The following LONP2 variants were observed in gnomAD, a reference collection of about 807,000 sequenced individuals.
LONP2 encodes lon protease homolog 2, peroxisomal.
In LONP2, 60 loss-of-function variants were observed where a neutral mutation model predicts 85.6. The ratio of observed to expected loss-of-function variants is 0.70; its 90% CI spans 0.57 to 0.87. LONP2 has a LOEUF of 0.87. Ranked by LOEUF, LONP2 falls within the 40% of genes least tolerant of loss-of-function variation. LONP2 has a pLI of 0.00. For synonymous variants in LONP2, 395 were observed against 389.7 expected, an observed-to-expected ratio of 1.01 and a Z score of -0.16; for missense variants, 860 against 1,063.5, an observed-to-expected ratio of 0.81 and a Z score of 2.66.
In LONP2 at chr16:48,334,246, A is replaced by G; in HGVS notation, c.1826A>G (p.Lys609Arg). 6.2e-7 allele frequency: 1 copy of G among 1,614,086 alleles called. No homozygotes were observed. The highest frequency in any genetic ancestry group is 1.6e-4 in the Middle Eastern group (1 of 6,062). ...GCREHILEDE[K>R]PESISDTTDL... Reference sequence around the variant, plus strand: ...AGAGAACACATCTTAGAAGATGAAAAACCTGAATCTATCAGTGACACTACT... The same window carrying G: ...AGAGAACACATCTTAGAAGATGAAAGACCTGAATCTATCAGTGACACTACT... Residue 609 changes from lysine to arginine, a missense_variant, in exon 12 of 15, where the codon AAA (lysine) becomes AGA (arginine). Around this residue, in one of 3 missense-constraint regions of LONP2, gnomAD observed 743 missense variants for 917.3 expected, o/e 0.81. Transcript: ENST00000285737.
At chr16:48,343,601 G>A (rs1030961625) in intron 12 of LONP2, among the ~76,000 whole-genome samples, 1 of 152,096 alleles carries the variant, frequency 6.6e-6, no homozygotes, top group African/African-American at 2.4e-5. Flanking sequence ...GGGAGGCTGA[G>A]GCAGGAGAAT....
intron 8 of LONP2, among the ~76,000 whole-genome samples, chr16:48,280,907 AT>A (rs1972312416): frequency 6.6e-6 from 1 of 152,200 alleles, no homozygotes; most frequent in African/African-American, 2.4e-5. Flanking sequence ...TTCTGTGTCC[AT>A]TTTGAAAGCC....
At chr16:48,281,552 C>T (rs1287535246) in intron 8 of LONP2, among the ~76,000 whole-genome samples, 3 of 151,968 alleles carry the variant, frequency 2.0e-5, no homozygotes, top group Non-Finnish European at 4.4e-5. Flanking sequence ...TATTTTCTTA[C>T]CAGATATATG....
At chr16:48,297,802 CAA>C (rs1182724221) in intron 9 of LONP2, among the ~76,000 whole-genome samples, 3 of 151,916 alleles carry the variant, frequency 2.0e-5, no homozygotes, top group Non-Finnish European at 4.4e-5. Context: ...CAGGTTCAAA[CAA>C]TTCTCTTGCC....
At chr16:48,316,546 T>G (rs1596978480) in intron 11 of LONP2, among the ~76,000 whole-genome samples, 1 of 151,450 alleles carries the variant, frequency 6.6e-6, no homozygotes, top group South Asian at 2.1e-4. Context: ...AGGCTGGTCT[T>G]GAACTCCTGA....
chr16:48,347,970 G>T, intron 13 of LONP2, 130 bp from the exon 14 acceptor site: 1 of 862,726 alleles, frequency 1.2e-6, no homozygotes, highest in Non-Finnish European at 1.8e-6. Context: ...CACCCAAATT[G>T]TACTGTCCAC....
chr16:48,292,939 A>G (rs1972585838), intron 8 of LONP2, among the ~76,000 whole-genome samples: 1 of 152,154 alleles, frequency 6.6e-6, no homozygotes, highest in African/African-American at 2.4e-5. Context: ...TCTCCTTATA[A>G]TCTAGGTATT....
intron 4 of LONP2, among the ~76,000 whole-genome samples, chr16:48,259,110 G>T (rs922112975): frequency 6.6e-6 from 1 of 152,130 alleles, no homozygotes. Context: ...TATATGTTGT[G>T]TCAAAATTTG....
At chr16:48,346,762 T>G (rs1442975668) in intron 12 of LONP2, among the ~76,000 whole-genome samples, 1 of 151,530 alleles carries the variant, frequency 6.6e-6, no homozygotes, top group Admixed American at 6.6e-5. Flanking sequence ...CCAAGCTCAC[T>G]CTTCTTAAAG....
At position 48,356,948 on chromosome 16, in the gene LONP2, A is replaced by G. The variant is rs1209008525; in HGVS notation, c.*5146A>G. On this transcript the variant is annotated 3_prime_UTR_variant, in exon 15 of 15. Transcript: ENST00000285737. Reference sequence around the variant, plus strand: ...CAGGTGTCCTTTTGCTCCATTATTTATATCTGTAAACCTGTTATTATTTTC... The same window carrying G: ...CAGGTGTCCTTTTGCTCCATTATTTGTATCTGTAAACCTGTTATTATTTTC... The G allele has an allele frequency of 3.2e-5, 5 of 154,930 alleles. No homozygotes were observed. The highest frequency in any genetic ancestry group is 9.6e-5 in the African/African-American group (4 of 41,660). The allele number at this position is 154,930 out of a possible 1,614,324, so 9.6% of individuals were successfully genotyped here.
At chr16:48,248,809 G>A (rs1375858038) in intron 1 of LONP2, among the ~76,000 whole-genome samples, 1 of 151,264 alleles carries the variant, frequency 6.6e-6, no homozygotes, top group Middle Eastern at 3.2e-3. Context: ...TTGAGCCCAG[G>A]TGATCGAAGC....
intron 7 of LONP2, among the ~76,000 whole-genome samples, chr16:48,274,689 C>T (rs1257021907): frequency 2.6e-5 from 4 of 151,956 alleles, no homozygotes; most frequent in Admixed American, 2.6e-4. Context: ...CACACATCCA[C>T]ACACCCTTGG....
intron 12 of LONP2, chr16:48,345,535 C>G (rs1959936493): frequency 1.3e-5 from 2 of 152,170 alleles, no homozygotes; most frequent in South Asian, 2.1e-4. Flanking sequence ...ATAACTGTTT[C>G]ATGATTTTCC....
chr16:48,268,766 C>T (rs1333734253), intron 6 of LONP2, among the ~76,000 whole-genome samples: 1 of 152,056 alleles, frequency 6.6e-6, no homozygotes, highest in Non-Finnish European at 1.5e-5. Context: ...AGGACTCTGA[C>T]TAAAATCAAT....
At chr16:48,349,168 T>A (rs1960063904) in intron 14 of LONP2, among the ~76,000 whole-genome samples, 1 of 152,016 alleles carries the variant, frequency 6.6e-6, no homozygotes, top group Non-Finnish European at 1.5e-5. Context: ...TTTAAAGTTG[T>A]TAGTTGAGTA....
Position 48,356,617 on chromosome 16 carries a change from G to T in LONP2, c.*4815G>T. 3.3e-6 allele frequency: 1 copy of T among 306,482 alleles called. No homozygotes were observed. Among genetic ancestry groups the T allele is most frequent in the South Asian group, 2.8e-5 (1 of 35,280 alleles). The allele number at this position is 306,482 out of a possible 1,614,324, so 19.0% of individuals were successfully genotyped here. A position where few individuals can be genotyped will look rare whatever the true frequency, so the allele number is the denominator to read the frequency against. On this transcript the variant is annotated 3_prime_UTR_variant, in exon 15 of 15. Coordinates refer to ENST00000285737, the MANE Select transcript of LONP2 (RefSeq NM_031490.5). Reference sequence around the variant, plus strand: ...TTTTTGTTTGTTTTACAAACATTTGGTGGATACCACAATGAAAACTGCACT... The same window carrying T: ...TTTTTGTTTGTTTTACAAACATTTGTTGGATACCACAATGAAAACTGCACT...
intron 8 of LONP2, among the ~76,000 whole-genome samples, chr16:48,292,302 C>A (rs985763617): frequency 6.6e-5 from 10 of 152,050 alleles, no homozygotes; most frequent in Non-Finnish European, 1.3e-4. Flanking sequence ...AGAACTGTTA[C>A]AGGTTAAAGA....
chr16:48,351,022 C>CT (rs1960127133), intron 14 of LONP2, among the ~76,000 whole-genome samples: 1 of 152,166 alleles, frequency 6.6e-6, no homozygotes, highest in Non-Finnish European at 1.5e-5. Context: ...CCACCACACT[C>CT]TGTTTCTTAC....
At chr16:48,287,282 TAG>T (rs1441547457) in intron 8 of LONP2, among the ~76,000 whole-genome samples, 1 of 152,236 alleles carries the variant, frequency 6.6e-6, no homozygotes, top group African/African-American at 2.4e-5. Context: ...TGGATATACT[TAG>T]AGCCTGCACA....
Sources: gnomAD v4.1 joint callset for allele counts (sites outside exome capture counted in the v4.1 genomes callset) on GRCh38, gnomAD v4.1.1 for gene constraint, gnomAD v4.1.1 regional missense constraint, MANE v1.5 for transcripts, NCBI Gene and HGNC (gene_info 2026-07-23, HGNC 2026-07-21) for gene names.